Variants in DAPK2 observed in about 807,000 individuals in gnomAD.
The protein encoded by DAPK2 is death-associated protein kinase 2.
A neutral mutation model predicts 44.1 loss-of-function variants in DAPK2; 35 were observed. The observed-to-expected ratio is 0.79, with a 90% CI of 0.61 to 1.05. The LOEUF is 1.05. DAPK2 is among the 50% of genes least tolerant of loss of function. DAPK2 has a pLI of 0.00. For synonymous variants in DAPK2, 174 were observed against 182.6 expected (o/e 0.95, Z 0.38); for missense variants, 453 against 483.2 (o/e 0.94, Z 0.59).
chr15:63,926,982 A>T (rs1173980575), intron 6 of DAPK2, among the ~76,000 whole-genome samples: 2 of 152,166 alleles, frequency 1.3e-5, no homozygotes, highest in Non-Finnish European at 2.9e-5. Flanking sequence ...GGTGGCAGCA[A>T]GGTGCACTGT....
At chr15:63,973,061 G>A (rs1468951027) in intron 2 of DAPK2, among the ~76,000 whole-genome samples, 1 of 152,262 alleles carries the variant, frequency 6.6e-6, no homozygotes, top group Non-Finnish European at 1.5e-5. Context: ...CATAGTGCCA[G>A]AGCTTAGAGG....
intron 5 of DAPK2, among the ~76,000 whole-genome samples, chr15:63,930,046 C>T (rs2079481944): frequency 6.6e-6 from 1 of 152,208 alleles, no homozygotes. Context: ...GCCCAGAACT[C>T]ATGGACTTTC....
Position 63,934,554 on chromosome 15 carries a change from G to A in DAPK2, c.584-4099C>T, listed in dbSNP as rs187865411. ...TTACAGGTGTGAGCCATGGCACCCAGCCTATTGTTTTGTTTTGTGTTTTGA... is the reference window on the plus strand; with the variant it reads ...TTACAGGTGTGAGCCATGGCACCCAACCTATTGTTTTGTTTTGTGTTTTGA... On this transcript the variant is annotated intron_variant, in intron 4 of 10. Transcript: ENST00000261891. Among the ~76,000 whole-genome samples the A allele has an allele frequency of 8.6e-5, 13 of 151,598 alleles. No individual in the cohort carries two copies. In the East Asian group the frequency reaches 2.5e-3, roughly 30 times the overall value.
chr15:64,002,477 C>A (rs2079108139), intron 1 of DAPK2, among the ~76,000 whole-genome samples: 1 of 152,120 alleles, frequency 6.6e-6, no homozygotes, highest in African/African-American at 2.4e-5. Context: ...ATAATTTGTC[C>A]ATAATAGTAA....
chr15:63,965,829 G>A (rs1015556452), intron 3 of DAPK2, among the ~76,000 whole-genome samples: 9 of 152,200 alleles, frequency 5.9e-5, no homozygotes, highest in Non-Finnish European at 1.2e-4. Flanking sequence ...ACTGCCAGGC[G>A]TGGGACTCTC....
chr15:64,031,191 G>A (rs905713644), intron 1 of DAPK2, among the ~76,000 whole-genome samples: 8 of 151,952 alleles, frequency 5.3e-5, no homozygotes, highest in Admixed American at 2.0e-4. Context: ...TGTTCTGAAA[G>A]GGCAGGAAGT....
chr15:63,948,693 G>A (rs963286388), intron 3 of DAPK2, among the ~76,000 whole-genome samples: 3 of 152,150 alleles, frequency 2.0e-5, no homozygotes, highest in Non-Finnish European at 2.9e-5. Context: ...CTCCTCCTGC[G>A]TTCCTCCACA....
chr15:63,995,296 C>T (rs28444644), intron 1 of DAPK2, among the ~76,000 whole-genome samples: 28,589 of 152,012 alleles, frequency 0.19, 2,747 homozygotes, highest in South Asian at 0.24. Context: ...ACTATAGGCG[C>T]CCACCACCAC....
At chr15:63,956,603 T>G (rs79078547) in intron 3 of DAPK2, among the ~76,000 whole-genome samples, 1 of 152,094 alleles carries the variant, frequency 6.6e-6, no homozygotes, top group Non-Finnish European at 1.5e-5. Context: ...TTTTTTTTTT[T>G]TTAGATGGAG....
chr15:63,958,057 T>G (rs1437629228), intron 3 of DAPK2, among the ~76,000 whole-genome samples: 1 of 152,214 alleles, frequency 6.6e-6, no homozygotes, highest in Admixed American at 6.5e-5. Context: ...TTCTAACTGG[T>G]GTGAGATGGT....
chr15:63,975,760 A>C lies in DAPK2; in HGVS notation c.315-4199T>G, dbSNP rs558426443. On this transcript the variant is annotated intron_variant, in intron 2 of 10. Coordinates refer to ENST00000261891, the Ensembl canonical transcript of DAPK2. ...GTTACAGGCACATGCCGCTACGCCC[A>C]GCTAATTTTTGTATTTTTAGTAGAA... 2.0e-5 allele frequency among the ~76,000 whole-genome samples: 3 copies of C among 152,218 alleles called. No homozygotes were observed. The South Asian group carries it at 6.2e-4, about 32-fold the overall frequency.
intron 1 of DAPK2, among the ~76,000 whole-genome samples, chr15:63,997,264 C>T (rs773599290): frequency 6.6e-6 from 1 of 152,178 alleles, no homozygotes; most frequent in Non-Finnish European, 1.5e-5. Context: ...ATTGTCAGGG[C>T]GCAGGAAAGG....
At chr15:64,019,468 T>C (rs950413276) in intron 1 of DAPK2, among the ~76,000 whole-genome samples, 15 of 152,264 alleles carry the variant, frequency 9.9e-5, no homozygotes, top group African/African-American at 3.1e-4. Flanking sequence ...TCTAAGGTAC[T>C]TGCATGATTC....
At chr15:63,950,182 A>C (rs1449007669) in intron 3 of DAPK2, among the ~76,000 whole-genome samples, 1 of 152,208 alleles carries the variant, frequency 6.6e-6, no homozygotes, top group Non-Finnish European at 1.5e-5. Flanking sequence ...ATACAAATTA[A>C]ATTTTTAAGT....
At chr15:64,011,610 A>T (rs2079391880) in intron 1 of DAPK2, among the ~76,000 whole-genome samples, 1 of 152,220 alleles carries the variant, frequency 6.6e-6, no homozygotes, top group South Asian at 2.1e-4. Flanking sequence ...AAAATGTTCT[A>T]TATCTGTGCT....
At chr15:63,989,081 G>A (rs2078744243) in intron 1 of DAPK2, among the ~76,000 whole-genome samples, 3 of 151,604 alleles carry the variant, frequency 2.0e-5, no homozygotes, top group Non-Finnish European at 1.5e-5. Flanking sequence ...TTGGGAGGCT[G>A]AGGTATGAAA....
upstream of DAPK2, chr15:64,040,416 C>G: frequency 1.6e-6 from 1 of 610,330 alleles, no homozygotes; most frequent in East Asian, 2.8e-5. Context: ...CCTGCTCAAG[C>G]CTTTTCTCAC....
intron 1 of DAPK2, 76 bp downstream of exon 2, chr15:64,040,094 C>CCAACTG: frequency 8.3e-7 from 1 of 1,212,106 alleles, no homozygotes; most frequent in Non-Finnish European, 1.2e-6. Flanking sequence ...CCTTCCAACA[C>CCAACTG]CAACTGACAA....
chr15:64,025,330 C>T (rs561110670), intron 1 of DAPK2, among the ~76,000 whole-genome samples: 24 of 152,312 alleles, frequency 1.6e-4, no homozygotes, highest in African/African-American at 5.8e-4. Context: ...TAGTGCAGGG[C>T]CAGGTATCGA....
Sources: allele counts gnomAD v4.1 joint callset (sites outside exome capture counted in the v4.1 genomes callset), GRCh38; gene constraint gnomAD v4.1.1; transcripts MANE v1.5; gene names NCBI Gene and HGNC (gene_info 2026-07-23, HGNC 2026-07-21).